FAM114A1: variants seen among roughly 807,000 people sequenced by gnomAD.
FAM114A1 encodes the protein protein NOXP20.
A neutral mutation model predicts 64.3 loss-of-function variants in FAM114A1; 62 were observed. The observed-to-expected ratio is 0.96, with a 90% confidence interval of 0.79 to 1.19. The LOEUF (loss-of-function observed/expected upper bound fraction) is 1.19. FAM114A1 is among the 50% of genes most tolerant of loss of function. The pLI, the probability that FAM114A1 is intolerant of heterozygous loss-of-function variation, is 0.00. For synonymous variants in FAM114A1, 254 were observed against 251.1 expected (o/e 1.01, Z -0.11); for missense variants, 645 against 676.3 (o/e 0.95, Z 0.51).
At chr4:38,899,744 C>A (rs1046955903) in intron 4 of FAM114A1, among the ~76,000 whole-genome samples, 1 of 152,100 alleles carries the variant, frequency 6.6e-6, no homozygotes, top group Admixed American at 6.6e-5. Flanking sequence ...AGAATGTACC[C>A]ACATTTTTCA....
At chr4:38,918,002 A>T (rs1719235815) in intron 8 of FAM114A1, among the ~76,000 whole-genome samples, 1 of 151,968 alleles carries the variant, frequency 6.6e-6, no homozygotes, top group Non-Finnish European at 1.5e-5. Flanking sequence ...GGATCACCTG[A>T]GGTCAGGAGT....
chr4:38,868,051 G>C (rs1579273702), intron 1 of FAM114A1: 1 of 425,030 alleles, frequency 2.4e-6, no homozygotes. Context: ...GTGGGTGCGG[G>C]CGTGTGAGTG....
chr4:38,908,543 A>G (rs1425917590), intron 6 of FAM114A1, 49 bp from the exon 7 acceptor site: 2 of 1,515,362 alleles, frequency 1.3e-6, no homozygotes, highest in South Asian at 1.3e-5. Context: ...GACTGCTGCG[A>G]AACAGCAAAA....
At chr4:38,877,062 ACACT>A (rs1714716592) in intron 2 of FAM114A1, among the ~76,000 whole-genome samples, 1 of 152,116 alleles carries the variant, frequency 6.6e-6, no homozygotes, top group African/African-American at 2.4e-5. Context: ...ATGTAAGGTA[ACACT>A]CACAGGTTCC....
intron 4 of FAM114A1, among the ~76,000 whole-genome samples, chr4:38,893,350 C>T (rs1282553819): frequency 6.6e-6 from 1 of 152,234 alleles, no homozygotes; most frequent in Non-Finnish European, 1.5e-5. Context: ...TACAGCTCTT[C>T]TCGTGGTTTA....
rs918349283 is a variant in FAM114A1, at chr4:38,931,614, T to G, written c.1323+2T>G. On this transcript the variant is annotated splice_donor_variant, in intron 11 of 14. Transcript: ENST00000358869. LOFTEE classifies it high-confidence loss of function. ...GAAAAGAAAACTAAGACCATAGAGG[T>G]AAATTCATTCTAGATTGTCTGCCTA... 7 of 1,609,610 alleles carry G rather than the reference T, an allele frequency of 4.3e-6. No homozygotes were observed. In the Admixed American group the frequency reaches 1.2e-4, roughly 27 times the overall value.
intron 3 of FAM114A1, among the ~76,000 whole-genome samples, chr4:38,879,325 C>T (rs1240424573): frequency 6.6e-6 from 1 of 152,190 alleles, no homozygotes; most frequent in African/African-American, 2.4e-5. Context: ...CTTGAGGTGA[C>T]TCTGCAGCAT....
At position 38,888,293 on chromosome 4, in the gene FAM114A1, G is replaced by A. The variant is rs548231718; in HGVS notation, c.349-3450G>A. Among the ~76,000 whole-genome samples the A allele has an allele frequency of 5.3e-5, 8 of 152,032 alleles. No homozygotes were observed. In the South Asian group the frequency reaches 1.7e-3, roughly 32 times the overall value. ...AGCACTTCGAGAGACCAAGATAGAA[G>A]GATCACTTGAGGCCATGAGATCAAG... On this transcript the variant is annotated intron_variant, in intron 3 of 14. Coordinates refer to ENST00000358869, the MANE Select transcript of FAM114A1 (RefSeq NM_138389.4).
chr4:38,917,506 C>T (rs1719183397), intron 8 of FAM114A1, among the ~76,000 whole-genome samples: 1 of 152,184 alleles, frequency 6.6e-6, no homozygotes, highest in Non-Finnish European at 1.5e-5. Flanking sequence ...CCATGGAAAG[C>T]TAGTAGCAGC....
At chr4:38,916,636 A>G (rs943584888) in intron 8 of FAM114A1, among the ~76,000 whole-genome samples, 3 of 152,144 alleles carry the variant, frequency 2.0e-5, no homozygotes, top group Non-Finnish European at 4.4e-5. Context: ...AGGGAGGGGA[A>G]CATCACACAC....
Position 38,922,030 on chromosome 4 carries a change from C to T in FAM114A1, c.946-740C>T, listed in dbSNP as rs188399358. On this transcript the variant is annotated intron_variant, in intron 8 of 14. Transcript: ENST00000358869. Reference sequence around the variant, plus strand: ...GATCTCGGCTCACTGCAAACTCCGACTCCCTGGCTCAAGGGATTCTCCTGC... The same window carrying T: ...GATCTCGGCTCACTGCAAACTCCGATTCCCTGGCTCAAGGGATTCTCCTGC... 3.4e-3 allele frequency among the ~76,000 whole-genome samples: 525 copies of T among 152,316 alleles called. 5 individuals carry two copies. Among genetic ancestry groups the T allele is most frequent in the African/African-American group, 0.012 (502 of 41,570 alleles).
In FAM114A1 at chr4:38,882,318, CAAAAAAAAAAAA is replaced by C. The variant is rs56370212; in HGVS notation, c.348+3904_348+3915del. Among the ~76,000 whole-genome samples the C allele has an allele frequency of 1.6e-4, 8 of 48,792 alleles. No homozygotes were observed. In the South Asian group the frequency reaches 2.5e-3, roughly 15 times the overall value. The allele number at this position is 48,792 out of a possible 152,430, so 32.0% of individuals were successfully genotyped here. On this transcript the variant is annotated intron_variant, in intron 3 of 14. Coordinates refer to ENST00000358869, the MANE Select transcript of FAM114A1 (RefSeq NM_138389.4). The stretch of plus-strand genomic sequence containing the variant: ...TGGGCGACAGAGCGAGACTCCGTCT[CAAAAAAAAAAAA>C]AAAAAAAAAAAGTTTCTGACCAGGT...
intron 8 of FAM114A1, among the ~76,000 whole-genome samples, chr4:38,917,733 G>A (rs1415065040): frequency 6.6e-6 from 1 of 152,114 alleles, no homozygotes; most frequent in Non-Finnish European, 1.5e-5. Context: ...ACAGCCCCAG[G>A]GCCCTGGAAA....
chr4:38,936,244 C>T (rs1016417726), intron 13 of FAM114A1, among the ~76,000 whole-genome samples: 2 of 151,846 alleles, frequency 1.3e-5, no homozygotes, highest in Non-Finnish European at 2.9e-5. Flanking sequence ...AGGCGCCCGC[C>T]ACCACACCCG....
At chr4:38,913,297 C>T (rs990473566) in intron 7 of FAM114A1, among the ~76,000 whole-genome samples, 2 of 152,136 alleles carry the variant, frequency 1.3e-5, no homozygotes, top group African/African-American at 4.8e-5. Context: ...TTTGCTTAAC[C>T]AACAAAAAAT....
intron 7 of FAM114A1, among the ~76,000 whole-genome samples, chr4:38,913,685 T>C (rs1718774209): frequency 6.6e-6 from 1 of 152,162 alleles, no homozygotes; most frequent in Admixed American, 6.5e-5. Context: ...CCACCGTGCC[T>C]GGCCCTAAGT....
chr4:38,939,296 C>T (rs1721389920), intron 13 of FAM114A1, among the ~76,000 whole-genome samples: 1 of 152,130 alleles, frequency 6.6e-6, no homozygotes, highest in South Asian at 2.1e-4. Context: ...GCCATCTCAC[C>T]ACAACAATAC....
chr4:38,921,098 C>A (rs553976415), intron 8 of FAM114A1, among the ~76,000 whole-genome samples: 65 of 152,286 alleles, frequency 4.3e-4, no homozygotes, highest in Admixed American at 1.5e-3. Flanking sequence ...AAGAGGACTA[C>A]GGCTCCACCG....
intron 3 of FAM114A1, among the ~76,000 whole-genome samples, chr4:38,887,973 A>G (rs1194392187): frequency 1.3e-5 from 2 of 152,158 alleles, no homozygotes; most frequent in Non-Finnish European, 2.9e-5. Flanking sequence ...CCTGGATACA[A>G]GTTATACGCA....
Sources: gnomAD v4.1 joint callset for allele counts (sites outside exome capture counted in the v4.1 genomes callset) on GRCh38, gnomAD v4.1.1 for gene constraint, MANE v1.5 for transcripts, NCBI Gene and HGNC (gene_info 2026-07-23, HGNC 2026-07-21) for gene names.